Variants in MEMO1 observed in about 807,000 individuals in gnomAD.
MEMO1 encodes mediator of cell motility 1.
A neutral mutation model predicts 45.2 loss-of-function variants in MEMO1; 6 were observed. That is an observed-to-expected ratio of 0.13 (90% confidence interval 0.07 to 0.26). The LOEUF (loss-of-function observed/expected upper bound fraction) is 0.26. Ranked by LOEUF, MEMO1 falls within the 10% of genes least tolerant of loss-of-function variation. MEMO1 has a pLI of 1.00. For missense variants in MEMO1, 184 were observed against 370.5 expected (o/e 0.50, Z 4.13); for synonymous variants, 78 against 124.3 (o/e 0.63, Z 2.48).
chr2:32,002,168 A>AAATAT (rs1553383012), intron 2 of MEMO1, among the ~76,000 whole-genome samples: 5 of 74,908 alleles, frequency 6.7e-5, no homozygotes, highest in Admixed American at 1.5e-4. Context: ...AAAAAAAAAA[A>AAATAT]ATATATATAT....
chr2:31,940,136 T>C (rs115702712), intron 3 of MEMO1, among the ~76,000 whole-genome samples: 314 of 152,310 alleles, frequency 2.1e-3, no homozygotes, highest in African/African-American at 7.0e-3. Flanking sequence ...ATTATCTCCT[T>C]TGCAAATGTT....
At chr2:31,992,253 T>C (rs992205233) in intron 2 of MEMO1, among the ~76,000 whole-genome samples, 7 of 152,198 alleles carry the variant, frequency 4.6e-5, no homozygotes, top group Admixed American at 4.6e-4. Flanking sequence ...ATAGATCAAG[T>C]TTTATTGAAG....
intron 2 of MEMO1, 60 bp from the exon 3 acceptor site, chr2:31,943,443 T>C (rs902408802): frequency 4.0e-6 from 5 of 1,240,286 alleles, no homozygotes; most frequent in South Asian, 2.4e-5. Context: ...GATAAACATA[T>C]GTGGCATAAA....
chr2:31,936,496 G>A (rs1405861825), intron 3 of MEMO1, among the ~76,000 whole-genome samples: 2 of 152,100 alleles, frequency 1.3e-5, no homozygotes, highest in Non-Finnish European at 2.9e-5. Flanking sequence ...GACCCTTTAC[G>A]TCGGCAAGTC....
intron 2 of MEMO1, chr2:31,963,348 A>ATACCCTACTGGT: frequency 2.4e-6 from 3 of 1,271,832 alleles, no homozygotes; most frequent in Non-Finnish European, 3.0e-6. Flanking sequence ...GTAGACACAC[A>ATACCCTACTGGT]TACCCTACTG....
chr2:31,983,435 TG>T (rs1377005455), intron 2 of MEMO1, among the ~76,000 whole-genome samples: 2 of 152,092 alleles, frequency 1.3e-5, no homozygotes, highest in Non-Finnish European at 2.9e-5. Flanking sequence ...CTTAGTTTTT[TG>T]TTTTTTTTGT....
At chr2:31,982,083 G>C (rs1291958548) in intron 2 of MEMO1, among the ~76,000 whole-genome samples, 1 of 151,962 alleles carries the variant, frequency 6.6e-6, no homozygotes, top group Non-Finnish European at 1.5e-5. Context: ...TGGATCATGA[G>C]GTCAGGAGAT....
chr2:31,965,630 A>T (rs1668529153), intron 2 of MEMO1, among the ~76,000 whole-genome samples: 1 of 152,186 alleles, frequency 6.6e-6, no homozygotes, highest in African/African-American at 2.4e-5. Flanking sequence ...CCTTATCTAT[A>T]AAAATGAGGA....
chr2:31,898,263 G>C (rs574986986), intron 6 of MEMO1, among the ~76,000 whole-genome samples: 21 of 152,172 alleles, frequency 1.4e-4, no homozygotes, highest in African/African-American at 4.6e-4. Flanking sequence ...GCTAGCTTTT[G>C]AATTTGTTTC....
At chr2:31,931,991 A>G in intron 4 of MEMO1, 76 bp downstream of exon 4, 2 of 1,316,652 alleles carry the variant, frequency 1.5e-6, no homozygotes, top group African/African-American at 1.5e-5. Flanking sequence ...CAATAAGTAT[A>G]AAAAGCAAAT....
chr2:31,956,403 T>C (rs931141706), intron 2 of MEMO1, among the ~76,000 whole-genome samples: 38 of 152,190 alleles, frequency 2.5e-4, no homozygotes, highest in African/African-American at 8.7e-4. Flanking sequence ...TTTTCATATA[T>C]TTCTACCACA....
intron 6 of MEMO1, among the ~76,000 whole-genome samples, chr2:31,895,089 T>C (rs968118551): frequency 3.3e-5 from 5 of 152,190 alleles, no homozygotes; most frequent in Admixed American, 3.3e-4. Context: ...GAGAGACAGA[T>C]TCTGCAGTTG....
chr2:32,007,348 T>C (rs1383124969), intron 2 of MEMO1, among the ~76,000 whole-genome samples: 1 of 152,210 alleles, frequency 6.6e-6, no homozygotes, highest in Non-Finnish European at 1.5e-5. Context: ...CCCTCCTCAG[T>C]AGTCCTAAAA....
chr2:31,986,359 C>T (rs1337033336), intron 2 of MEMO1, among the ~76,000 whole-genome samples: 1 of 151,998 alleles, frequency 6.6e-6, no homozygotes, highest in African/African-American at 2.4e-5. Flanking sequence ...GTAGTCCCAG[C>T]CAGTCGGGAG....
chr2:32,010,235 C>G lies in MEMO1; in HGVS notation c.13G>C (p.Val5Leu), dbSNP rs1350809613. The G allele has an allele frequency of 2.6e-6, 4 of 1,510,388 alleles. No individual in the cohort carries two copies. The highest frequency in any genetic ancestry group is 2.5e-5 in the South Asian group (2 of 81,208). 93.6% of individuals were successfully genotyped at this position (1,510,388 alleles called of 1,614,324 possible). The stretch of plus-strand genomic sequence containing the variant: ...GCGTGACTGGCTTCTCGGCAGACCA[C>G]TCGGTTGGACATCTTGGTGCCTGTG... MSNR[V>L]VCREASHAGS... Residue 5 changes from valine (V) to leucine (L), a missense_variant, in exon 2 of 10, where the codon GTG (valine) becomes CTG (leucine). Val to Leu is a conservative substitution (Grantham distance 32). Transcript: ENST00000404530.
At chr2:31,943,024 C>T (rs994218268) in intron 3 of MEMO1, among the ~76,000 whole-genome samples, 1 of 152,066 alleles carries the variant, frequency 6.6e-6, no homozygotes, top group Non-Finnish European at 1.5e-5. Flanking sequence ...CAGGCGTGAG[C>T]GAGACCGAGG....
chr2:31,951,032 C>T (rs1170455225), intron 2 of MEMO1, among the ~76,000 whole-genome samples: 1 of 152,156 alleles, frequency 6.6e-6, no homozygotes, highest in Non-Finnish European at 1.5e-5. Context: ...TGACATATAT[C>T]GCCCAAGTCT....
At chr2:31,966,732 C>CAAAAAAAAAAAAAAAAAAA (rs758359349) in intron 2 of MEMO1, among the ~76,000 whole-genome samples, 11 of 117,854 alleles carry the variant, frequency 9.3e-5, no homozygotes, top group Non-Finnish European at 1.3e-4. Flanking sequence ...GACTCTGTCT[C>CAAAAAAAAAAAAAAAAAAA]AAAAAAAAAA....
At chr2:31,990,455 G>T (rs1043420518) in intron 2 of MEMO1, among the ~76,000 whole-genome samples, 2 of 151,226 alleles carry the variant, frequency 1.3e-5, no homozygotes, top group African/African-American at 2.4e-5. Context: ...GGTGTTTTTG[G>T]TTTTTTCTTT....
Sources: allele counts gnomAD v4.1 joint callset (sites outside exome capture counted in the v4.1 genomes callset), GRCh38; gene constraint gnomAD v4.1.1; transcripts MANE v1.5; gene names NCBI Gene and HGNC (gene_info 2026-07-23, HGNC 2026-07-21).